The following PPP4R3B variants were observed in gnomAD, a reference collection of about 807,000 sequenced individuals.
PPP4R3B encodes serine/threonine-protein phosphatase 4 regulatory subunit 3B.
In PPP4R3B, 52 loss-of-function variants were observed where a neutral mutation model predicts 95.4. The ratio of observed to expected loss-of-function variants is 0.54; its 90% confidence interval spans 0.44 to 0.69. The LOEUF is 0.69. PPP4R3B is among the 30% of genes least tolerant of loss of function. The probability of loss-of-function intolerance (pLI) is 0.00; values close to 1 mark genes in which losing one functional copy is unlikely to be tolerated. For missense variants in PPP4R3B, 1,003 were observed against 1,005.9 expected, an observed-to-expected ratio of 1.00 and a Z score of 0.04; for synonymous variants, 407 against 343.9, an observed-to-expected ratio of 1.18 and a Z score of -2.03.
chr2:55,574,718 C>A (rs1356281254), intron 11 of PPP4R3B, among the ~76,000 whole-genome samples: 1 of 151,340 alleles, frequency 6.6e-6, no homozygotes, highest in African/African-American at 2.4e-5. Flanking sequence ...CTTAGCCTCC[C>A]GAGTAGATGG....
At chr2:55,602,958 CTCT>C (rs1559042102) in intron 3 of PPP4R3B, among the ~76,000 whole-genome samples, 6 of 146,230 alleles carry the variant, frequency 4.1e-5, no homozygotes, top group Non-Finnish European at 1.5e-5. Context: ...AGGACGAATA[CTCT>C]TTTTTTTTTT....
intron 9 of PPP4R3B, among the ~76,000 whole-genome samples, chr2:55,579,226 GC>G (rs1016614067): frequency 8.6e-5 from 13 of 151,964 alleles, no homozygotes; most frequent in African/African-American, 3.1e-4. Context: ...TAAGGAAAAA[GC>G]CTTGCCCCTA....
chr2:55,610,597 G>A (rs1047484061), intron 2 of PPP4R3B, among the ~76,000 whole-genome samples: 4 of 151,972 alleles, frequency 2.6e-5, no homozygotes, highest in Non-Finnish European at 2.9e-5. Flanking sequence ...GAAAATGCAA[G>A]TTTACTTTTT....
At chr2:55,595,927 T>A (rs993641046) in intron 4 of PPP4R3B, among the ~76,000 whole-genome samples, 2 of 152,172 alleles carry the variant, frequency 1.3e-5, no homozygotes, top group African/African-American at 4.8e-5. Context: ...AAAGCAGTTA[T>A]GCAGAAAGCT....
intron 6 of PPP4R3B, among the ~76,000 whole-genome samples, chr2:55,585,989 T>G (rs1197820196): frequency 6.6e-6 from 1 of 152,058 alleles, no homozygotes. Context: ...GCTTTGTGAA[T>G]CTAAACACCT....
At chr2:55,601,930 A>G (rs755433245) in intron 3 of PPP4R3B, among the ~76,000 whole-genome samples, 5 of 152,192 alleles carry the variant, frequency 3.3e-5, no homozygotes, top group Non-Finnish European at 7.3e-5. Context: ...AGTTATTTGA[A>G]TAATTAAACT....
Position 55,578,306 on chromosome 2 carries a change from A to G in PPP4R3B, c.1505T>C (p.Phe502Ser), listed in dbSNP as rs1046045389. The G allele has an allele frequency of 1.9e-5, 28 of 1,463,338 alleles. No individual in the cohort carries two copies. Among genetic ancestry groups the G allele is most frequent in the Non-Finnish European group, 2.4e-5 (27 of 1,107,356 alleles). 90.6% of individuals were successfully genotyped at this position (1,463,338 alleles called of 1,614,324 possible). The change falls in exon 10 of 17, where the codon TTC becomes TCC. Residue 502 changes from phenylalanine (F) to serine (S), a missense_variant. Around this residue, in one of 3 missense-constraint regions of PPP4R3B, gnomAD observed 695 missense variants for 686.2 expected, o/e 1.01. Transcript: ENST00000616407. The part of the protein sequence containing the change: ...FLKHYRYSWS[F>S]ICTPSHSHSH... ...ATGGGAATGTGAAGGGGTACATATG[A>G]AACTCCAACTATATCTGTAATGTTT...
intron 12 of PPP4R3B, among the ~76,000 whole-genome samples, chr2:55,569,750 C>T (rs1023941964): frequency 1.3e-5 from 2 of 152,216 alleles, no homozygotes; most frequent in Non-Finnish European, 2.9e-5. Flanking sequence ...CACTACCGGT[C>T]TCCGCGTCTT....
intron 3 of PPP4R3B, among the ~76,000 whole-genome samples, chr2:55,599,634 A>C (rs554999881): frequency 1.4e-4 from 22 of 152,268 alleles, no homozygotes; most frequent in Non-Finnish European, 5.9e-5. Context: ...TCTGATCATA[A>C]CGTCTCAGAG....
At chr2:55,615,168 T>G (rs1337154927) in intron 2 of PPP4R3B, 1 of 280,790 alleles carries the variant, frequency 3.6e-6, no homozygotes, top group Non-Finnish European at 6.7e-6. Context: ...AATAAAAGGT[T>G]TCATGTACAA....
intron 3 of PPP4R3B, among the ~76,000 whole-genome samples, chr2:55,601,903 C>T (rs1432076623): frequency 1.3e-5 from 2 of 152,088 alleles, no homozygotes; most frequent in Non-Finnish European, 2.9e-5. Context: ...GATAGAAAAA[C>T]CACTGGCCCA....
chr2:55,612,636 C>G (rs1179453882), intron 2 of PPP4R3B, among the ~76,000 whole-genome samples: 1 of 152,048 alleles, frequency 6.6e-6, no homozygotes, highest in South Asian at 2.1e-4. Flanking sequence ...CCCATCTTTA[C>G]AAATTTTTTA....
chr2:55,583,684 G>A (rs954677054), intron 7 of PPP4R3B, among the ~76,000 whole-genome samples: 1 of 152,116 alleles, frequency 6.6e-6, no homozygotes, highest in Non-Finnish European at 1.5e-5. Flanking sequence ...AATAAAGTAG[G>A]CATTTCTCTT....
chr2:55,588,288 G>A (rs530505124), intron 5 of PPP4R3B, among the ~76,000 whole-genome samples: 1 of 151,968 alleles, frequency 6.6e-6, no homozygotes, highest in Non-Finnish European at 1.5e-5. Flanking sequence ...CCAAGGCGGG[G>A]GGATCACCTC....
In PPP4R3B at chr2:55,573,578, C is replaced by T. The variant is rs757934933; in HGVS notation, c.1765+41G>A. On this transcript the variant is annotated intron_variant, in intron 12 of 16. Coordinates refer to ENST00000616407, the MANE Select transcript of PPP4R3B (RefSeq NM_001122964.3). ...TTCAAATGGGTAACTTCAGTTTTAT[C>T]TCTATTAAAAATGTTGCTCCTTAAA... is the stretch of plus-strand genomic sequence containing the variant. The T allele has an allele frequency of 8.7e-6, 13 of 1,500,080 alleles. No individual in the cohort carries two copies. In the African/African-American group the frequency reaches 1.7e-4, roughly 20 times the overall value. 92.9% of individuals were successfully genotyped at this position (1,500,080 alleles called of 1,614,324 possible). A position where few individuals can be genotyped will look rare whatever the true frequency, so the allele number is the denominator to read the frequency against.
chr2:55,593,594 T>C (rs1691333402), intron 4 of PPP4R3B, among the ~76,000 whole-genome samples: 1 of 152,106 alleles, frequency 6.6e-6, no homozygotes, highest in African/African-American at 2.4e-5. Flanking sequence ...AGTGAGACTT[T>C]AGGAAATAAG....
At chr2:55,558,678 T>C (rs892956410) in intron 16 of PPP4R3B, 97 bp downstream of exon 16, 7 of 830,154 alleles carry the variant, frequency 8.4e-6, no homozygotes, top group South Asian at 2.1e-5. Context: ...AAACAATTCA[T>C]TGAAATTGTT....
chr2:55,559,932 G>C (rs561043069), intron 15 of PPP4R3B, among the ~76,000 whole-genome samples: 12 of 152,152 alleles, frequency 7.9e-5, no homozygotes, highest in South Asian at 2.1e-4. Context: ...GATCAGCCTG[G>C]CCAACATGAT....
At chr2:55,591,835 A>G (rs1373273337) in intron 4 of PPP4R3B, 2 of 184,178 alleles carry the variant, frequency 1.1e-5, no homozygotes, top group Non-Finnish European at 1.0e-5. Flanking sequence ...CTGTTCCAAT[A>G]TATTTATGAA....
Sources: allele counts gnomAD v4.1 joint callset (sites outside exome capture counted in the v4.1 genomes callset), GRCh38; gene constraint gnomAD v4.1.1; regional missense constraint gnomAD v4.1.1; transcripts MANE v1.5; gene names NCBI Gene and HGNC (gene_info 2026-07-23, HGNC 2026-07-21).